Variants in CFAP46 observed in about 807,000 individuals in gnomAD.
CFAP46 encodes cilia- and flagella-associated protein 46.
CFAP46 carries 245 observed loss-of-function variants against 325.7 expected under a neutral mutation model. That is an observed-to-expected ratio of 0.75 (90% CI 0.68 to 0.84). The LOEUF (loss-of-function observed/expected upper bound fraction) is 0.84, where lower values mean the gene tolerates loss of function less well. CFAP46 is among the 40% of genes least tolerant of loss of function. CFAP46 has a pLI of 0.00. For missense variants in CFAP46, 3,346 were observed against 3,543.0 expected (o/e 0.94, Z 1.41); for synonymous variants, 1,523 against 1,495.9 (o/e 1.02, Z -0.42).
intron 20 of CFAP46, among the ~76,000 whole-genome samples, chr10:132,909,534 C>A (rs1849509130): frequency 6.6e-6 from 1 of 152,182 alleles, no homozygotes; most frequent in African/African-American, 2.4e-5. Context: ...GCTGCTGGGG[C>A]AGGCAGGTCA....
intron 9 of CFAP46, chr10:132,929,064 G>C (rs1849851592): frequency 6.1e-6 from 1 of 165,096 alleles, no homozygotes; most frequent in Non-Finnish European, 1.3e-5. Context: ...CCCCTTCTCT[G>C]AGAGGATACG....
In CFAP46 at chr10:132,833,409, G is replaced by A. The variant is rs778853233; in HGVS notation, c.7066C>T (p.Arg2356Ter). ...FDEGTISSVSREFSLQMLWNR... is the reference protein window; with the variant it reads ...FDEGTISSVS The stretch of plus-strand genomic sequence containing the variant: ...CACAGCATTTGAAGAGAAAATTCTC[G>A]TGACACAGAGGAAATTGTCCCTTCA... The change falls in exon 50 of 58, where the codon CGA (arginine) becomes TGA (stop). Residue 2356 changes from arginine (R) to a stop codon, truncating the protein, a stop_gained. Transcript: ENST00000368586. LOFTEE classifies it high-confidence loss of function. 19 of 1,614,074 alleles carry A rather than the reference G, an allele frequency of 1.2e-5. No homozygotes were observed. Among genetic ancestry groups the A allele is most frequent in the East Asian group, 6.7e-5 (3 of 44,884 alleles).
chr10:132,817,548 C>A lies in CFAP46; in HGVS notation c.7118-2634G>T, dbSNP rs143808536. On this transcript the variant is annotated intron_variant, in intron 50 of 57. Coordinates refer to ENST00000368586, the MANE Select transcript of CFAP46 (RefSeq NM_001200049.3). This position sits in a 1 kb window ranked among gnomAD's most constrained non-coding sequence, Gnocchi z 4.4. ...AGCTGTTGGATTTGATTGAGGTAAC[C>A]GGCCCCTTCGTCTTCCTCATTCATT... is the stretch of plus-strand genomic sequence containing the variant. 5.9e-3 allele frequency among the ~76,000 whole-genome samples: 903 copies of A among 152,298 alleles called. 8 individuals are homozygous for A. The highest frequency in any genetic ancestry group is 0.02 in the African/African-American group (833 of 41,556).
intron 44 of CFAP46, among the ~76,000 whole-genome samples, chr10:132,844,086 G>A (rs1848395105): frequency 7.1e-6 from 1 of 139,888 alleles, no homozygotes; most frequent in Middle Eastern, 4.3e-3. Flanking sequence ...GGTGCTGTGG[G>A]GCTCTGGTCT....
chr10:132,904,723 T>C lies in CFAP46; in HGVS notation c.2924+3745A>G, dbSNP rs114776022. Reference sequence around the variant, plus strand: ...GCAGCACTCTGCACCCTCACCTCTATGACGCTGTCTTTGTAGTTTATTTCT... The same window carrying C: ...GCAGCACTCTGCACCCTCACCTCTACGACGCTGTCTTTGTAGTTTATTTCT... On this transcript the variant is annotated intron_variant, in intron 22 of 57. Transcript: ENST00000368586. Among the ~76,000 whole-genome samples, 710 of 152,340 alleles carry C rather than the reference T, an allele frequency of 4.7e-3. 5 individuals are homozygous for C. The highest frequency in any genetic ancestry group is 0.015 in the African/African-American group (635 of 41,568).
chr10:132,837,153 G>C, intron 44 of CFAP46: 1 of 503,634 alleles, frequency 2.0e-6, no homozygotes, highest in Non-Finnish European at 3.5e-6. Context: ...TTTCTCTCCG[G>C]TTGTTAATGT....
chr10:132,936,748 T>C (rs938814498), intron 7 of CFAP46, among the ~76,000 whole-genome samples: 2 of 152,072 alleles, frequency 1.3e-5, no homozygotes, highest in Non-Finnish European at 2.9e-5. Context: ...GCCTCTCCTC[T>C]GTGCTGGGAG....
rs528213744 is a variant in CFAP46, at chr10:132,889,248, T to C, written c.3304+3085A>G. ...GACCACCGAGGCTTACGTCACAGAG[T>C]GTGGAGACTTCTTTCCCTTCTCTGA... is the stretch of plus-strand genomic sequence containing the variant. On this transcript the variant is annotated intron_variant, in intron 25 of 57. Transcript: ENST00000368586. This position sits in a 1 kb window ranked among gnomAD's most constrained non-coding sequence, Gnocchi z 6.0. Among the ~76,000 whole-genome samples the C allele has an allele frequency of 3.2e-4, 49 of 151,822 alleles. No homozygotes were observed. The South Asian group carries it at 9.8e-3, about 30-fold the overall frequency.
chr10:132,823,028 G>GA (rs1847914125), intron 50 of CFAP46, among the ~76,000 whole-genome samples: 1 of 145,866 alleles, frequency 6.9e-6, no homozygotes, highest in African/African-American at 2.6e-5. Context: ...GCTGTGTGCT[G>GA]TGTGTGCGCT....
intron 50 of CFAP46, among the ~76,000 whole-genome samples, chr10:132,819,274 T>C (rs1847752731): frequency 1.3e-5 from 2 of 152,256 alleles, no homozygotes; most frequent in South Asian, 4.1e-4. Context: ...AATGGGAAGA[T>C]ATCCTGTGTT....
rs765842621 is a variant in CFAP46, at chr10:132,872,765, G to A, written c.4422C>T (p.His1474=). 345 of 1,550,900 alleles carry A rather than the reference G, an allele frequency of 2.2e-4. No individual in the cohort carries two copies. Among genetic ancestry groups the A allele is most frequent in the Non-Finnish European group, 2.5e-4 (291 of 1,147,102 alleles). Residue 1474 remains histidine (H), a synonymous_variant, in exon 32 of 58, where the codon CAC becomes CAT. Transcript: ENST00000368586. ...ACTGCAGGACGGGAACCGTGAGTTC[G>A]TGCAGGCACATCTTCTGCAGGGCCT... ...LVKALQKMCL[H]ELTVPVLQLG...
Position 132,940,995 on chromosome 10 carries a change from C to T in CFAP46, c.371+1G>A, listed in dbSNP as rs1284804967. The T allele has an allele frequency of 1.2e-6, 2 of 1,614,074 alleles. No homozygotes were observed. The highest frequency in any genetic ancestry group is 2.7e-5 in the African/African-American group (2 of 74,950). On this transcript the variant is annotated splice_donor_variant, in intron 4 of 57. Coordinates refer to ENST00000368586, the MANE Select transcript of CFAP46 (RefSeq NM_001200049.3). LOFTEE classifies it high-confidence loss of function. ...GAAACGGCCACTTCAATTTTGCCTA[C>T]CTCGGTTCTCCTTTGGCAAAGTTTA...
Position 132,877,603 on chromosome 10 carries a change from G to A in CFAP46, c.4212+278C>T, listed in dbSNP as rs539903034. 6.6e-6 allele frequency among the ~76,000 whole-genome samples: 1 copy of A among 152,296 alleles called. No homozygotes were observed. The highest frequency in any genetic ancestry group is 1.9e-4 in the East Asian group (1 of 5,174). On this transcript the variant is annotated intron_variant, in intron 30 of 57. Transcript: ENST00000368586. The surrounding 1 kb of genome is among the most constrained non-coding windows in gnomAD (Gnocchi z 5.7). ...CGGGATTCCTGCCAGGGACAAGCCA[G>A]GGTGCTTTACAGACATTCCCCTGTA...
intron 49 of CFAP46, 97 bp downstream of exon 49, chr10:132,833,944 C>A (rs895688243): frequency 2.7e-6 from 3 of 1,127,326 alleles, no homozygotes; most frequent in East Asian, 4.7e-5. Context: ...GGTTCCTGAC[C>A]CCCCCTGGCG....
rs929456724 is a variant in CFAP46 at position 132,879,587 on chromosome 10, C to T, written c.3844G>A (p.Glu1282Lys). Reference sequence around the variant, plus strand: ...TCCAAGGACACCGCCTCCTCGGCCTCGGACACGGGGCTCCGTGGGGGCATC... The same window carrying T: ...TCCAAGGACACCGCCTCCTCGGCCTTGGACACGGGGCTCCGTGGGGGCATC... Reference protein sequence around the residue: ...VEMPPRSPVSEAEEAVSLEQL... With the variant: ...VEMPPRSPVSKAEEAVSLEQL... The change falls in exon 29 of 58, where the codon GAG becomes AAG. Residue 1282 changes from glutamate (E) to lysine (K), a missense_variant. By Grantham distance (56) the Glu-to-Lys change is moderately conservative (BLOSUM62 1). Transcript: ENST00000368586. 3.1e-5 allele frequency: 48 copies of T among 1,545,972 alleles called. No homozygotes were observed. The highest frequency in any genetic ancestry group is 2.1e-4 in the Middle Eastern group (1 of 4,854).
chr10:132,903,481 G>A (rs1000394108), intron 22 of CFAP46, among the ~76,000 whole-genome samples: 1 of 152,064 alleles, frequency 6.6e-6, no homozygotes, highest in African/African-American at 2.4e-5. Context: ...GTTTCTCCCC[G>A]CGACTCTTCC....
chr10:132,935,157 C>G (rs922653006), intron 7 of CFAP46, among the ~76,000 whole-genome samples: 1 of 152,092 alleles, frequency 6.6e-6, no homozygotes, highest in Non-Finnish European at 1.5e-5. Flanking sequence ...ATGTGGGGCA[C>G]TCTCTCTGCT....
intron 50 of CFAP46, 88 bp downstream of exon 50, chr10:132,833,270 A>G: frequency 7.9e-7 from 1 of 1,258,726 alleles, no homozygotes; most frequent in Non-Finnish European, 1.1e-6. Flanking sequence ...TTATTTCTTG[A>G]TAGGAGCTAA....
chr10:132,809,370 A>G (rs764164471), intron 57 of CFAP46, among the ~76,000 whole-genome samples: 1 of 152,212 alleles, frequency 6.6e-6, no homozygotes, highest in African/African-American at 2.4e-5. Flanking sequence ...CCAGCAGGGC[A>G]TCGTGTGGGC....
Sources: allele counts gnomAD v4.1 joint callset (sites outside exome capture counted in the v4.1 genomes callset), GRCh38; gene constraint gnomAD v4.1.1; non-coding constraint Gnocchi (gnomAD v3.1); transcripts MANE v1.5; gene names NCBI Gene and HGNC (gene_info 2026-07-23, HGNC 2026-07-21).